Variants in MS4A4E observed in about 807,000 individuals in gnomAD.
MS4A4E encodes membrane spanning 4-domains A4E, also known as putative membrane-spanning 4-domains subfamily A member 4E.
A neutral mutation model predicts 13.3 loss-of-function variants in MS4A4E; 23 were observed. The ratio of observed to expected loss-of-function variants is 1.73; its 90% CI spans 1.25 to 2.45. The LOEUF (loss-of-function observed/expected upper bound fraction) is 2.45, where lower values mean the gene tolerates loss of function less well. Ranked by LOEUF, MS4A4E falls within the 30% of genes most tolerant of loss-of-function variation. The probability of loss-of-function intolerance (pLI) is 0.00; values close to 1 mark genes in which losing one functional copy is unlikely to be tolerated. For synonymous variants in MS4A4E, 36 were observed against 45.6 expected, an observed-to-expected ratio of 0.79 and a Z score of 0.85; for missense variants, 144 against 131.2, an observed-to-expected ratio of 1.10 and a Z score of -0.48.
At chr11:60,241,926 A>G (rs1305186101) in intron 1 of MS4A4E, among the ~76,000 whole-genome samples, 1 of 151,850 alleles carries the variant, frequency 6.6e-6, no homozygotes, top group African/African-American at 2.4e-5. Flanking sequence ...TCCCTCTTCT[A>G]TTGGCCCCAG....
At chr11:60,219,432 CTAAT>C (rs1248831178) in intron 3 of MS4A4E, among the ~76,000 whole-genome samples, 1 of 151,632 alleles carries the variant, frequency 6.6e-6, no homozygotes, top group Non-Finnish European at 1.5e-5. Flanking sequence ...CTGGTATTGG[CTAAT>C]TAATTACAGC....
chr11:60,230,122 A>T, intron 1 of MS4A4E, 51 bp from the exon 2 acceptor site: 1 of 1,517,742 alleles, frequency 6.6e-7, no homozygotes, highest in Non-Finnish European at 8.8e-7. Context: ...GACAAAAGAA[A>T]GTCTTGACAC....
chr11:60,201,022 C>T lies in MS4A4E; in HGVS notation c.*521G>A, dbSNP rs1236780063. On this transcript the variant is annotated 3_prime_UTR_variant, in exon 9 of 9. Coordinates refer to ENST00000651255, the MANE Select transcript of MS4A4E (RefSeq NM_001393391.1). ...GGCGGCTGGCCGGGCAGAGGGCTGACCCCCCCACCTCCCTCCCAGACGTGG... is the reference window on the plus strand; with the variant it reads ...GGCGGCTGGCCGGGCAGAGGGCTGATCCCCCCACCTCCCTCCCAGACGTGG... 6.9e-6 allele frequency among the ~76,000 whole-genome samples: 1 copy of T among 145,020 alleles called. No individual in the cohort carries two copies. The highest frequency in any genetic ancestry group is 2.6e-5 in the African/African-American group (1 of 38,224).
intron 1 of MS4A4E, among the ~76,000 whole-genome samples, chr11:60,231,595 A>G (rs1213906156): frequency 6.6e-6 from 1 of 152,120 alleles, no homozygotes; most frequent in East Asian, 1.9e-4. Flanking sequence ...GAAACAGGAC[A>G]CTATGGTCAC....
chr11:60,237,905 T>G (rs2084504203), intron 1 of MS4A4E, among the ~76,000 whole-genome samples: 1 of 152,152 alleles, frequency 6.6e-6, no homozygotes. Flanking sequence ...TATTGGATTT[T>G]GTTAATTTTT....
chr11:60,225,607 G>T (rs1240863963), intron 3 of MS4A4E, among the ~76,000 whole-genome samples: 1 of 151,920 alleles, frequency 6.6e-6, no homozygotes, highest in Non-Finnish European at 1.5e-5. Flanking sequence ...ATTATAAATG[G>T]GTCAAAAAAT....
At chr11:60,225,451 G>C (rs939451111) in intron 3 of MS4A4E, among the ~76,000 whole-genome samples, 4 of 152,108 alleles carry the variant, frequency 2.6e-5, no homozygotes, top group African/African-American at 9.7e-5. Context: ...GTAGCAAGGG[G>C]AAGTAACCTG....
At chr11:60,207,142 C>T (rs747269986) in intron 6 of MS4A4E, among the ~76,000 whole-genome samples, 1 of 152,138 alleles carries the variant, frequency 6.6e-6, no homozygotes, top group Non-Finnish European at 1.5e-5. Context: ...ACCACACTGG[C>T]CTGGAATAGC....
chr11:60,206,941 A>G (rs993190069), intron 6 of MS4A4E, among the ~76,000 whole-genome samples: 11 of 152,128 alleles, frequency 7.2e-5, no homozygotes, highest in African/African-American at 2.7e-4. Context: ...TCTTGACCTG[A>G]GCTGCTGATG....
chr11:60,224,713 T>C (rs1165898303), intron 3 of MS4A4E, among the ~76,000 whole-genome samples: 1 of 152,194 alleles, frequency 6.6e-6, no homozygotes, highest in Non-Finnish European at 1.5e-5. Flanking sequence ...CTTAAGTCAT[T>C]CCAGTTTGGG....
chr11:60,209,764 C>G (rs547748682), intron 5 of MS4A4E, among the ~76,000 whole-genome samples: 1 of 152,362 alleles, frequency 6.6e-6, no homozygotes, highest in Admixed American at 6.5e-5. Flanking sequence ...CAGGGATTAT[C>G]TGGTTTAAAT....
intron 3 of MS4A4E, among the ~76,000 whole-genome samples, chr11:60,217,206 A>G (rs2084207417): frequency 6.6e-6 from 1 of 152,146 alleles, no homozygotes. Flanking sequence ...GTAGAGAAAG[A>G]GCTGAAATTG....
intron 1 of MS4A4E, among the ~76,000 whole-genome samples, chr11:60,230,550 C>G (rs1305509098): frequency 6.6e-6 from 1 of 152,016 alleles, no homozygotes; most frequent in East Asian, 1.9e-4. Flanking sequence ...GAAAATCTTC[C>G]CATGTAACCT....
At chr11:60,221,276 C>A (rs2084267191) in intron 3 of MS4A4E, among the ~76,000 whole-genome samples, 1 of 152,130 alleles carries the variant, frequency 6.6e-6, no homozygotes, top group South Asian at 2.1e-4. Context: ...GCATGCACAG[C>A]AGCATTCCAT....
At position 60,213,023 on chromosome 11, in the gene MS4A4E, T is replaced by C. The variant is rs2084144335; in HGVS notation, c.332A>G (p.Asn111Ser). ...ACAATTACTTGACAACTGATCGTGG[T>C]TACAGTAATGGTAACGGAATGAATA... ...TFYSFRYHYC[N>S]HDQLSSNCYM... is the part of the protein sequence containing the mutation. Residue 111 changes from asparagine (N) to serine (S), a missense_variant, in exon 5 of 9, where the codon AAC (asparagine) becomes AGC (serine). Physicochemically the swap from Asn to Ser is conservative, Grantham distance 46. Coordinates refer to ENST00000651255, the MANE Select transcript of MS4A4E (RefSeq NM_001393391.1). The C allele has an allele frequency of 2.4e-6, 1 of 410,268 alleles. No homozygotes were observed. The highest frequency in any genetic ancestry group is 4.4e-5 in the Admixed American group (1 of 22,698). The allele number at this position is 410,268 out of a possible 1,614,324, so 25.4% of individuals were successfully genotyped here. A position where few individuals can be genotyped will look rare whatever the true frequency, so the allele number is the denominator to read the frequency against.
At chr11:60,229,540 G>T (rs1013175184) in intron 2 of MS4A4E, among the ~76,000 whole-genome samples, 2 of 152,184 alleles carry the variant, frequency 1.3e-5, no homozygotes, top group African/African-American at 4.8e-5. Flanking sequence ...AAGAAAAGCT[G>T]CAAGAAAGAA....
intron 8 of MS4A4E, among the ~76,000 whole-genome samples, chr11:60,203,293 A>C (rs552585254): frequency 6.6e-6 from 1 of 152,264 alleles, no homozygotes; most frequent in South Asian, 2.1e-4. Context: ...ACCAGTGTCA[A>C]TCTTCATTCT....
intron 1 of MS4A4E, among the ~76,000 whole-genome samples, chr11:60,239,784 T>C (rs1438037682): frequency 6.6e-6 from 1 of 152,198 alleles, no homozygotes; most frequent in African/African-American, 2.4e-5. Context: ...ATAAGTAGAC[T>C]TCAGCATCCC....
chr11:60,220,795 G>A (rs1056835382), intron 3 of MS4A4E, among the ~76,000 whole-genome samples: 1 of 152,172 alleles, frequency 6.6e-6, no homozygotes, highest in African/African-American at 2.4e-5. Context: ...AACCAAGAAA[G>A]ACTCACAATG....
Sources: allele counts gnomAD v4.1 joint callset (sites outside exome capture counted in the v4.1 genomes callset), GRCh38; gene constraint gnomAD v4.1.1; transcripts MANE v1.5; gene names NCBI Gene and HGNC (gene_info 2026-07-23, HGNC 2026-07-21).